The following LZTS2 variants were observed in gnomAD, a reference collection of about 807,000 sequenced individuals.
LZTS2 encodes the protein leucine zipper putative tumor suppressor 2.
Under a neutral mutation model 60.6 loss-of-function variants are expected in LZTS2, and 32 were observed. The ratio of observed to expected loss-of-function variants is 0.53; its 90% CI spans 0.40 to 0.71. The LOEUF (loss-of-function observed/expected upper bound fraction) is 0.71, where lower values mean the gene tolerates loss of function less well. Among genes scored for constraint, LZTS2 ranks in the 30% least tolerant of loss-of-function variants. The pLI is 0.00. For missense variants in LZTS2, 792 were observed against 901.9 expected (o/e 0.88, Z 1.56); for synonymous variants, 360 against 393.1 (o/e 0.92, Z 1.00).
exon 1 of LZTS2, chr10:100,999,784 C>CG: frequency 6.7e-6 from 1 of 150,010 alleles, no homozygotes; most frequent in Non-Finnish European, 1.5e-5. Flanking sequence ...TGGCCAGGGC[C>CG]GGGGGCGCCG....
At chr10:101,006,143 C>T (rs1050670286) in intron 3 of LZTS2, among the ~76,000 whole-genome samples, 4 of 152,222 alleles carry the variant, frequency 2.6e-5, no homozygotes, top group Non-Finnish European at 5.9e-5. Flanking sequence ...AGTACCTCTC[C>T]AGCAGGCACC....
chr10:101,004,659 C>G (rs1033516571), intron 2 of LZTS2, among the ~76,000 whole-genome samples: 1 of 152,112 alleles, frequency 6.6e-6, no homozygotes, highest in African/African-American at 2.4e-5. Flanking sequence ...GGATTCAAAC[C>G]TCCCACTGCC....
chr10:101,005,367 C>G, intron 2 of LZTS2, 91 bp from the exon 4 acceptor site: 1 of 1,416,764 alleles, frequency 7.1e-7, no homozygotes, highest in Non-Finnish European at 9.3e-7. Flanking sequence ...ATCCACCCTT[C>G]CTGAGCCCTC....
At chr10:101,005,678 G>A (rs770236266) in exon 3 of LZTS2, 17 of 1,602,964 alleles carry the variant, frequency 1.1e-5, no homozygotes, top group East Asian at 6.8e-5. Context: ...CGGGAGCAGC[G>A]GGAGCTCGGG....
chr10:101,002,336 T>C (rs1852057055), exon 1 of LZTS2: 1 of 484,756 alleles, frequency 2.1e-6, no homozygotes, highest in Non-Finnish European at 3.5e-6. Flanking sequence ...GCAGTGTGGT[T>C]TGGGGCCCAG....
At chr10:101,002,722 C>T (rs947733300) in exon 1 of LZTS2, 1 of 1,611,822 alleles carries the variant, frequency 6.2e-7, no homozygotes, top group Non-Finnish European at 8.5e-7. Flanking sequence ...GCAGGATGGC[C>T]TGCTACGGGG....
chr10:100,997,574 G>T (rs2133954970), upstream of LZTS2, among the ~76,000 whole-genome samples: 1 of 152,312 alleles, frequency 6.6e-6, no homozygotes, highest in African/African-American at 2.4e-5. Flanking sequence ...TCGCGTATTG[G>T]GTGCGGGAAA....
upstream of LZTS2, chr10:100,998,434 GTTTCCC>G (rs1851958418): frequency 6.5e-6 from 1 of 152,702 alleles, no homozygotes; most frequent in South Asian, 2.1e-4. Context: ...GCTGGGCTGT[GTTTCCC>G]TTTCCAGGGA....
At chr10:100,997,070 CA>C, upstream of LZTS2, 1 of 152,798 alleles carries the variant, frequency 6.5e-6, no homozygotes, top group Admixed American at 6.5e-5. Flanking sequence ...CGCCCCGCTC[CA>C]CCAGGTCGGG....
chr10:101,005,850 C>T (rs991224920), intron 3 of LZTS2, 135 bp downstream of exon 4: 47 of 1,225,908 alleles, frequency 3.8e-5, no homozygotes, highest in Non-Finnish European at 5.0e-5. Flanking sequence ...GATGAGGTTC[C>T]CCTCTGTCCC....
chr10:100,997,158 C>G (rs1851933381), upstream of LZTS2: 1 of 152,536 alleles, frequency 6.6e-6, no homozygotes, highest in African/African-American at 2.4e-5. Context: ...AGGGAGCCGG[C>G]GTTGTCGCGG....
At chr10:100,997,836 G>C (rs1381435714), upstream of LZTS2, among the ~76,000 whole-genome samples, 1 of 152,212 alleles carries the variant, frequency 6.6e-6, no homozygotes, top group Non-Finnish European at 1.5e-5. Context: ...GCCCTCTCCC[G>C]GGAACCGGAG....
chr10:100,998,451 AAAAG>A (rs1245381085), upstream of LZTS2: 1 of 152,442 alleles, frequency 6.6e-6, no homozygotes, highest in Non-Finnish European at 1.5e-5. Context: ...TTTCCAGGGA[AAAAG>A]AAAGAAAAAC....
chr10:101,003,943 C>G, exon 2 of LZTS2: 1 of 1,611,708 alleles, frequency 6.2e-7, no homozygotes, highest in Non-Finnish European at 8.5e-7. Flanking sequence ...AGCAAGAGCA[C>G]AGGCTCCCTA....
Position 101,002,602 on chromosome 10 carries a change from C to T in LZTS2, c.64C>T (p.Gln22Ter), listed in dbSNP as rs899196309. The T allele has an allele frequency of 5.8e-6, 9 of 1,560,302 alleles. No homozygotes were observed. Among genetic ancestry groups the T allele is most frequent in the Non-Finnish European group, 7.8e-6 (9 of 1,151,408 alleles). Residue 22 changes from glutamine to a stop codon, truncating the protein, a stop_gained, in exon 1 of 4, where the codon CAA becomes TAA. Transcript: ENST00000370220. LOFTEE classifies it high-confidence loss of function. ...TGCTCCTGAAGCTGCCACTGCCCCA[C>T]AAGCTCCAGTCATGGGTAGTGTGAG...
exon 2 of LZTS2, chr10:101,003,955 G>A (rs1028101458): frequency 1.9e-6 from 3 of 1,611,998 alleles, no homozygotes; most frequent in Non-Finnish European, 2.5e-6. Context: ...GGCTCCCTAG[G>A]GGGCCGTGTG....
exon 1 of LZTS2, chr10:101,002,881 G>T: frequency 6.2e-7 from 1 of 1,613,760 alleles, no homozygotes; most frequent in Admixed American, 1.7e-5. Flanking sequence ...AGAGCAGCGG[G>T]CACACAATGC....
chr10:101,004,928 C>T (rs541196846), intron 2 of LZTS2, among the ~76,000 whole-genome samples: 1 of 152,288 alleles, frequency 6.6e-6, no homozygotes, highest in Admixed American at 6.5e-5. Flanking sequence ...GAACCCCTGG[C>T]CTCAAGTGAT....
Position 101,004,271 on chromosome 10 carries a change from G to A in LZTS2, c.1068+105G>A, listed in dbSNP as rs545763233. On this transcript the variant is annotated intron_variant, in intron 2 of 3. Transcript: ENST00000370220. ...GGCAGGGAACGGGGGTTGGGTAGTTGTAGTTGTGACCCCCCTGCCCTCCCC... is the reference window on the plus strand; with the variant it reads ...GGCAGGGAACGGGGGTTGGGTAGTTATAGTTGTGACCCCCCTGCCCTCCCC... 42 of 1,323,480 alleles carry A rather than the reference G, an allele frequency of 3.2e-5. No homozygotes were observed. The South Asian group carries it at 6.1e-4, about 19-fold the overall frequency. The allele number at this position is 1,323,480 out of a possible 1,614,324, so 82.0% of individuals were successfully genotyped here.
Sources: gnomAD v4.1 joint callset for allele counts (sites outside exome capture counted in the v4.1 genomes callset) on GRCh38, gnomAD v4.1.1 for gene constraint, MANE v1.5 for transcripts, NCBI Gene and HGNC (gene_info 2026-07-23, HGNC 2026-07-21) for gene names.